ARHGAP39: variants seen among roughly 807,000 people sequenced by gnomAD.
ARHGAP39 encodes the protein Rho GTPase activating protein 39.
Under a neutral mutation model 106.9 loss-of-function variants are expected in ARHGAP39, and 44 were observed. The ratio of observed to expected loss-of-function variants is 0.41; its 90% confidence interval spans 0.32 to 0.53. The LOEUF (loss-of-function observed/expected upper bound fraction) is 0.53, where lower values mean the gene tolerates loss of function less well. ARHGAP39 is among the 20% of genes least tolerant of loss of function. The pLI, the probability that ARHGAP39 is intolerant of heterozygous loss-of-function variation, is 0.21. For synonymous variants in ARHGAP39, 768 were observed against 693.2 expected (o/e 1.11, Z -1.69); for missense variants, 1,496 against 1,577.3 (o/e 0.95, Z 0.87).
At chr8:144,623,575 A>T (rs749435581) in intron 1 of ARHGAP39, among the ~76,000 whole-genome samples, 1 of 152,240 alleles carries the variant, frequency 6.6e-6, no homozygotes, top group Non-Finnish European at 1.5e-5. Flanking sequence ...CGCGGCACAG[A>T]CACAAAGCAG....
intron 10 of ARHGAP39, among the ~76,000 whole-genome samples, chr8:144,531,264 G>A (rs1204297016): frequency 1.1e-5 from 1 of 90,890 alleles, no homozygotes; most frequent in African/African-American, 4.0e-5. Context: ...CAGCAGGTGG[G>A]GAGTGGGCTA....
chr8:144,600,685 C>T lies in ARHGAP39; in HGVS notation c.80+4850G>A, dbSNP rs570385849. Among the ~76,000 whole-genome samples the T allele has an allele frequency of 8.7e-4, 125 of 143,198 alleles. 1 individual carries two copies. The highest frequency in any genetic ancestry group is 2.7e-3 in the South Asian group (12 of 4,376). 93.9% of individuals were successfully genotyped at this position (143,198 alleles called of 152,430 possible). A position where few individuals can be genotyped will look rare whatever the true frequency, so the allele number is the denominator to read the frequency against. ...GTGCACACTTGTGTACCTGCGTGTGCGTGTGCGTGGAGACGTGCGTGTGCA... is the reference window on the plus strand; with the variant it reads ...GTGCACACTTGTGTACCTGCGTGTGTGTGTGCGTGGAGACGTGCGTGTGCA... On this transcript the variant is annotated intron_variant, in intron 2 of 11. Coordinates refer to ENST00000377307, the MANE Select transcript of ARHGAP39 (RefSeq NM_025251.3).
chr8:144,688,047 G>A (rs1822668798), upstream of ARHGAP39, among the ~76,000 whole-genome samples: 1 of 151,766 alleles, frequency 6.6e-6, no homozygotes, highest in African/African-American at 2.4e-5. Context: ...TCCCACCCTG[G>A]TGACCACACA....
intron 1 of ARHGAP39, among the ~76,000 whole-genome samples, chr8:144,638,163 T>C (rs112952060): frequency 0.011 from 1,682 of 152,330 alleles, 29 homozygotes; most frequent in African/African-American, 0.038. Context: ...TCTCTCAATA[T>C]TGAAGATGAA....
intron 3 of ARHGAP39, among the ~76,000 whole-genome samples, chr8:144,574,941 A>AT (rs1483471801): frequency 6.6e-6 from 1 of 152,238 alleles, no homozygotes; most frequent in East Asian, 1.9e-4. Context: ...GAGTACAGTT[A>AT]TACACATGCA....
At position 144,534,197 on chromosome 8, in the gene ARHGAP39, C is replaced by A; in HGVS notation, c.2620G>T (p.Ala874Ser). The change falls in exon 8 of 12, where the codon GCG becomes TCG. Residue 874 changes from alanine (A) to serine (S), a missense_variant. Coordinates refer to ENST00000377307, the MANE Select transcript of ARHGAP39 (RefSeq NM_025251.3). ...CAGTACTTGGCATACGTGCTTATCG[C>A]CACCCCTGGAAAGGAAAGGGGCCTG... ...KPYVEEPDGV[A>S]ISTYAKYCYH... 1 of 1,613,466 alleles carries A rather than the reference C, an allele frequency of 6.2e-7. No homozygotes were observed. The highest frequency in any genetic ancestry group is 1.1e-5 in the South Asian group (1 of 91,070).
At chr8:144,674,340 G>C (rs139910101) in intron 1 of ARHGAP39, among the ~76,000 whole-genome samples, 3 of 152,206 alleles carry the variant, frequency 2.0e-5, no homozygotes, top group African/African-American at 7.2e-5. Flanking sequence ...TTCCGCATAC[G>C]GGTTGTCTTG....
At chr8:144,629,248 T>A (rs1397948747) in intron 1 of ARHGAP39, among the ~76,000 whole-genome samples, 1 of 152,212 alleles carries the variant, frequency 6.6e-6, no homozygotes, top group Non-Finnish European at 1.5e-5. Context: ...TGCTGCCTGA[T>A]TAGGGGCAGC....
rs184443369 is a variant in ARHGAP39 at position 144,612,080 on chromosome 8, C to T, written c.-81-6385G>A. ...CCCAAGAGGTCAAAGTTGCAGTGAGCCACGGCTGCACCACTGCACTCCAGA... is the reference window on the plus strand; with the variant it reads ...CCCAAGAGGTCAAAGTTGCAGTGAGTCACGGCTGCACCACTGCACTCCAGA... On this transcript the variant is annotated intron_variant, in intron 1 of 11. Coordinates refer to ENST00000377307, the MANE Select transcript of ARHGAP39 (RefSeq NM_025251.3). 3.3e-5 allele frequency among the ~76,000 whole-genome samples: 5 copies of T among 152,316 alleles called. No individual in the cohort carries two copies. The East Asian group carries it at 7.7e-4, about 24-fold the overall frequency.
chr8:144,598,947 A>G (rs1300113044), intron 2 of ARHGAP39, among the ~76,000 whole-genome samples: 1 of 152,246 alleles, frequency 6.6e-6, no homozygotes, highest in Admixed American at 6.5e-5. Flanking sequence ...AGAGCAAAAG[A>G]TAAGAGCATG....
In ARHGAP39 at chr8:144,607,408, G is replaced by A. The variant is rs1004719281; in HGVS notation, c.-81-1713C>T. 7.9e-5 allele frequency among the ~76,000 whole-genome samples: 12 copies of A among 152,094 alleles called. 1 individual carries two copies. The South Asian group carries it at 1.9e-3, about 24-fold the overall frequency. ...ACCCACGGCTGTATGGCTGCTCCTA[G>A]CCTTGGTGCCACTTCGCCTGTAGCA... On this transcript the variant is annotated intron_variant, in intron 1 of 11. Coordinates refer to ENST00000377307, the MANE Select transcript of ARHGAP39 (RefSeq NM_025251.3).
At chr8:144,560,443 A>T (rs960103939) in intron 3 of ARHGAP39, among the ~76,000 whole-genome samples, 10 of 152,266 alleles carry the variant, frequency 6.6e-5, no homozygotes, top group African/African-American at 2.4e-4. Flanking sequence ...TCAAAAAAAC[A>T]AAACAAAATA....
At chr8:144,583,523 A>G (rs767730557) in intron 2 of ARHGAP39, among the ~76,000 whole-genome samples, 1 of 152,106 alleles carries the variant, frequency 6.6e-6, no homozygotes, top group Non-Finnish European at 1.5e-5. Flanking sequence ...CCCAGCTACG[A>G]GGATCTCGTG....
intron 1 of ARHGAP39, among the ~76,000 whole-genome samples, chr8:144,615,372 C>T (rs368690814): frequency 2.6e-5 from 4 of 151,992 alleles, no homozygotes; most frequent in South Asian, 2.1e-4. Flanking sequence ...AAGTGAAGCA[C>T]GTGGGCCTTC....
intron 1 of ARHGAP39, among the ~76,000 whole-genome samples, chr8:144,637,868 T>G (rs1286489316): frequency 1.3e-5 from 2 of 151,534 alleles, no homozygotes; most frequent in Non-Finnish European, 2.9e-5. Context: ...TTCTTTCTTT[T>G]TTTTTTTTTT....
rs978211816 is a variant in ARHGAP39, at chr8:144,545,719, G to A, written c.2051C>T (p.Thr684Met). 9.9e-6 allele frequency: 16 copies of A among 1,612,590 alleles called. No individual in the cohort carries two copies. The highest frequency in any genetic ancestry group is 8.0e-5 in the African/African-American group (6 of 74,952). The change falls in exon 6 of 12, where the codon ACG becomes ATG. Residue 684 changes from threonine to methionine, a missense_variant. Physicochemically the swap from Thr to Met is moderately conservative, Grantham distance 81. Coordinates refer to ENST00000377307, the MANE Select transcript of ARHGAP39 (RefSeq NM_025251.3). Reference sequence around the variant, plus strand: ...CGTCTCCGAGGAGGGCTTGCGCAGCGTGAAAGTGGGGAAGACGCAGCTGGA... The same window carrying A: ...CGTCTCCGAGGAGGGCTTGCGCAGCATGAAAGTGGGGAAGACGCAGCTGGA... ...PSSSCVFPTF[T>M]LRKPSSETDI...
intron 6 of ARHGAP39, among the ~76,000 whole-genome samples, chr8:144,541,023 T>C (rs1269765453): frequency 2.6e-5 from 4 of 152,164 alleles, no homozygotes; most frequent in African/African-American, 9.7e-5. Context: ...GACTAATTTT[T>C]GTATTTTTAG....
At chr8:144,642,806 C>T (rs1033266077) in intron 1 of ARHGAP39, among the ~76,000 whole-genome samples, 1 of 152,168 alleles carries the variant, frequency 6.6e-6, no homozygotes, top group Non-Finnish European at 1.5e-5. Context: ...AAACCTCTTT[C>T]CTTTATAAAT....
Position 144,529,735 on chromosome 8 carries a change from T to C in ARHGAP39, c.*687A>G, listed in dbSNP as rs1210957044. 2.0e-5 allele frequency: 3 copies of C among 152,186 alleles called. No homozygotes were observed. The highest frequency in any genetic ancestry group is 4.4e-5 in the Non-Finnish European group (3 of 68,066). The allele number at this position is 152,186 out of a possible 1,614,324, so 9.4% of individuals were successfully genotyped here. ...ACGGTGGGCTGCGATGCAGGATAGA[T>C]TCTGGATTTACAGTTACACGAAGAA... On this transcript the variant is annotated 3_prime_UTR_variant, in exon 12 of 12. Coordinates refer to ENST00000377307, the MANE Select transcript of ARHGAP39 (RefSeq NM_025251.3).
Sources: allele counts gnomAD v4.1 joint callset (sites outside exome capture counted in the v4.1 genomes callset), GRCh38; gene constraint gnomAD v4.1.1; transcripts MANE v1.5; gene names NCBI Gene and HGNC (gene_info 2026-07-23, HGNC 2026-07-21).